Variants in NXPH1 observed in about 807,000 individuals in gnomAD.
NXPH1 encodes neurexophilin-1.
In NXPH1, 5 loss-of-function variants were observed where a neutral mutation model predicts 23.7. The ratio of observed to expected loss-of-function variants is 0.21; its 90% CI spans 0.11 to 0.44. NXPH1 has a LOEUF of 0.44. NXPH1 is among the 20% of genes least tolerant of loss of function. NXPH1 has a pLI of 0.99. For missense variants in NXPH1, 324 were observed against 321.6 expected, an observed-to-expected ratio of 1.01 and a Z score of -0.06; for synonymous variants, 144 against 122.2, an observed-to-expected ratio of 1.18 and a Z score of -1.18.
At chr7:8,587,207 A>G (rs924358842) in intron 2 of NXPH1, among the ~76,000 whole-genome samples, 2 of 152,062 alleles carry the variant, frequency 1.3e-5, no homozygotes, top group Admixed American at 6.5e-5. Context: ...TGGCTGTGCA[A>G]TCCTTTATTT....
chr7:8,464,810 C>G (rs781597650), intron 2 of NXPH1, among the ~76,000 whole-genome samples: 56 of 151,998 alleles, frequency 3.7e-4, no homozygotes, highest in Non-Finnish European at 7.5e-4. Flanking sequence ...ATGTTTTACT[C>G]TCCTAAGAAT....
intron 2 of NXPH1, among the ~76,000 whole-genome samples, chr7:8,501,476 T>C: frequency 6.6e-6 from 1 of 152,058 alleles, no homozygotes; most frequent in East Asian, 1.9e-4. Context: ...CCATATGTCT[T>C]ATGAACAGAA....
intron 2 of NXPH1, among the ~76,000 whole-genome samples, chr7:8,450,374 A>T (rs1816484319): frequency 6.6e-6 from 1 of 152,252 alleles, no homozygotes. Flanking sequence ...TGAAACTTCA[A>T]ATCTGCTTAG....
chr7:8,561,304 C>T (rs991740955), intron 2 of NXPH1, among the ~76,000 whole-genome samples: 35 of 149,138 alleles, frequency 2.3e-4, no homozygotes, highest in Non-Finnish European at 1.0e-4. Context: ...GGTAGGGTCT[C>T]CTTACTTCTT....
chr7:8,610,264 A>C (rs1405179288), intron 2 of NXPH1, among the ~76,000 whole-genome samples: 1 of 152,148 alleles, frequency 6.6e-6, no homozygotes, highest in Non-Finnish European at 1.5e-5. Flanking sequence ...TGATATATGC[A>C]GAAAACCAAG....
At chr7:8,634,721 G>C (rs1221098071) in intron 2 of NXPH1, among the ~76,000 whole-genome samples, 1 of 112,088 alleles carries the variant, frequency 8.9e-6, no homozygotes, top group African/African-American at 3.3e-5. Flanking sequence ...ACTTCACCAT[G>C]TGATTTGCTT....
chr7:8,482,087 G>A (rs191988706), intron 2 of NXPH1, among the ~76,000 whole-genome samples: 36 of 152,318 alleles, frequency 2.4e-4, no homozygotes, highest in Admixed American at 7.2e-4. Context: ...CTGGGATTAC[G>A]CAGAAGCTGT....
At chr7:8,495,690 G>A (rs191954306) in intron 2 of NXPH1, among the ~76,000 whole-genome samples, 146 of 152,154 alleles carry the variant, frequency 9.6e-4, no homozygotes, top group African/African-American at 3.5e-3. Context: ...AGTGGGATGG[G>A]TGTTACCTCC....
At chr7:8,591,629 T>C (rs188542643) in intron 2 of NXPH1, among the ~76,000 whole-genome samples, 3 of 152,144 alleles carry the variant, frequency 2.0e-5, no homozygotes, top group Non-Finnish European at 1.5e-5. Flanking sequence ...CAAAGCCTGC[T>C]TTGTATTGGA....
intron 2 of NXPH1, among the ~76,000 whole-genome samples, chr7:8,515,319 A>G (rs1817670485): frequency 6.6e-6 from 1 of 152,074 alleles, no homozygotes; most frequent in African/African-American, 2.4e-5. Flanking sequence ...ATCATCATCA[A>G]TTAATATTTA....
intron 2 of NXPH1, among the ~76,000 whole-genome samples, chr7:8,518,118 TA>T (rs922934952): frequency 6.6e-6 from 1 of 152,092 alleles, no homozygotes; most frequent in Non-Finnish European, 1.5e-5. Flanking sequence ...ATAGTAAGTG[TA>T]AAAAAATATT....
intron 2 of NXPH1, among the ~76,000 whole-genome samples, chr7:8,547,174 G>A (rs1818208579): frequency 6.6e-6 from 1 of 151,458 alleles, no homozygotes; most frequent in Non-Finnish European, 1.5e-5. Flanking sequence ...AAAAATTCCT[G>A]CACACAATCG....
chr7:8,575,763 T>C (rs1267199638), intron 2 of NXPH1, among the ~76,000 whole-genome samples: 1 of 152,152 alleles, frequency 6.6e-6, no homozygotes, highest in Non-Finnish European at 1.5e-5. Flanking sequence ...TGATCTTTTT[T>C]TTTTTTAAAT....
intron 2 of NXPH1, among the ~76,000 whole-genome samples, chr7:8,635,812 G>T (rs1820210941): frequency 6.6e-6 from 1 of 152,096 alleles, no homozygotes. Flanking sequence ...AAAAAGTTTG[G>T]TCCAACTGAA....
At chr7:8,576,810 C>T (rs1033300215) in intron 2 of NXPH1, among the ~76,000 whole-genome samples, 1 of 152,102 alleles carries the variant, frequency 6.6e-6, no homozygotes, top group Non-Finnish European at 1.5e-5. Context: ...TGTTGCTTTT[C>T]TCTTGAGTTC....
At chr7:8,552,314 A>C (rs1818291906) in intron 2 of NXPH1, among the ~76,000 whole-genome samples, 1 of 151,330 alleles carries the variant, frequency 6.6e-6, no homozygotes, top group African/African-American at 2.4e-5. Flanking sequence ...GCCTGATGGG[A>C]TTTATACTCA....
intron 2 of NXPH1, among the ~76,000 whole-genome samples, chr7:8,590,199 G>A (rs991493613): frequency 2.6e-5 from 4 of 152,082 alleles, no homozygotes; most frequent in Non-Finnish European, 4.4e-5. Flanking sequence ...AGCATCACTA[G>A]AGAGACAGAT....
intron 2 of NXPH1, among the ~76,000 whole-genome samples, chr7:8,586,974 G>A (rs1328132806): frequency 6.6e-6 from 1 of 152,000 alleles, no homozygotes; most frequent in Non-Finnish European, 1.5e-5. Flanking sequence ...CATAAAGATG[G>A]ATACATAGAT....
intron 2 of NXPH1, among the ~76,000 whole-genome samples, chr7:8,616,491 GTTA>G: frequency 6.6e-6 from 1 of 152,038 alleles, no homozygotes; most frequent in East Asian, 1.9e-4. Flanking sequence ...GGATCAGGAG[GTTA>G]TGTTTACTGC....
Sources: gnomAD v4.1 joint callset for allele counts (sites outside exome capture counted in the v4.1 genomes callset) on GRCh38, gnomAD v4.1.1 for gene constraint, MANE v1.5 for transcripts, NCBI Gene and HGNC (gene_info 2026-07-23, HGNC 2026-07-21) for gene names.